CRMP1: variants seen among roughly 807,000 people sequenced by gnomAD.
CRMP1 encodes the protein dihydropyrimidinase-related protein 1.
Under a neutral mutation model 68.3 loss-of-function variants are expected in CRMP1, and 19 were observed. That is an observed-to-expected ratio of 0.28 (90% CI 0.19 to 0.41). The LOEUF is 0.41. Among genes scored for constraint, CRMP1 ranks in the 10% least tolerant of loss-of-function variants. The probability of loss-of-function intolerance (pLI) is 1.00; values close to 1 mark genes in which losing one functional copy is unlikely to be tolerated. For synonymous variants in CRMP1, 439 were observed against 399.6 expected, an observed-to-expected ratio of 1.10 and a Z score of -1.18; for missense variants, 791 against 967.4, an observed-to-expected ratio of 0.82 and a Z score of 2.42.
intron 6 of CRMP1, among the ~76,000 whole-genome samples, chr4:5,848,838 A>G (rs1712415581): frequency 1.3e-5 from 2 of 152,262 alleles, no homozygotes; most frequent in Non-Finnish European, 2.9e-5. Context: ...TTCTCCTTAT[A>G]AAGCCACTAA....
rs193228409 is a variant in CRMP1 at position 5,865,108 on chromosome 4, C to T, written c.470+1560G>A. ...TCCATCATCATCTCCAAAGCCCACA[C>T]GGGCCCCAGGATGATCCTGTTAACA... On this transcript the variant is annotated intron_variant, in intron 2 of 13. Coordinates refer to ENST00000324989, the MANE Select transcript of CRMP1 (RefSeq NM_001014809.3). The surrounding 1 kb of genome is among the most constrained non-coding windows in gnomAD (Gnocchi z 4.1). Among the ~76,000 whole-genome samples, 1,153 of 152,072 alleles carry T rather than the reference C, an allele frequency of 7.6e-3. 13 individuals are homozygous for T. Among genetic ancestry groups the T allele is most frequent in the African/African-American group, 0.026 (1,076 of 41,452 alleles).
chr4:5,873,235 C>T (rs529239936), intron 1 of CRMP1, among the ~76,000 whole-genome samples: 1 of 152,284 alleles, frequency 6.6e-6, no homozygotes, highest in South Asian at 2.1e-4. Context: ...CACATCAACC[C>T]TGCTAAGGGG....
rs370934862 is a variant in CRMP1 at position 5,887,520 on chromosome 4, G to C, written c.381+5069C>G. 1.7e-5 allele frequency: 17 copies of C among 984,976 alleles called. No individual in the cohort carries two copies. In the East Asian group the frequency reaches 1.6e-3, roughly 92 times the overall value. 61.0% of individuals were successfully genotyped at this position (984,976 alleles called of 1,614,324 possible). A position where few individuals can be genotyped will look rare whatever the true frequency, so the allele number is the denominator to read the frequency against. ...CCACCCCGAGACAAAGCGTAAAGAC[G>C]GGGATTCCTTTGTTTCCGGCCACAC... On this transcript the variant is annotated intron_variant, in intron 1 of 13. Coordinates refer to ENST00000324989, the MANE Select transcript of CRMP1 (RefSeq NM_001014809.3).
At position 5,860,949 on chromosome 4, in the gene CRMP1, C is replaced by A; in HGVS notation, c.655+77G>T. 3.4e-6 allele frequency: 5 copies of A among 1,468,958 alleles called. No homozygotes were observed. The South Asian group carries it at 6.4e-5, about 19-fold the overall frequency. The allele number at this position is 1,468,958 out of a possible 1,614,324, so 91.0% of individuals were successfully genotyped here. On this transcript the variant is annotated intron_variant, in intron 3 of 13. Transcript: ENST00000324989. This position sits in a 1 kb window ranked among gnomAD's most constrained non-coding sequence, Gnocchi z 4.2. ...CCCTGGGCAGAGAGCCTCGAACACA[C>A]TGAGCACTTGTGATGCTGGTGATGG...
At chr4:5,862,838 TC>T (rs1358474454) in intron 2 of CRMP1, among the ~76,000 whole-genome samples, 1 of 152,198 alleles carries the variant, frequency 6.6e-6, no homozygotes, top group Non-Finnish European at 1.5e-5. Context: ...AGATAGGGTC[TC>T]TGTCAGCCAG....
rs763177656 is a variant in CRMP1, at chr4:5,851,483, G to C, written c.821-14C>G. On this transcript the variant is annotated splice_polypyrimidine_tract_variant and intron_variant, in intron 4 of 13. Transcript: ENST00000324989. ...AGGAATTGACGCCTGTTTCAAGATA[G>C]AAAGGATAGAAAAATATGTTTAAGA... is the stretch of plus-strand genomic sequence containing the variant. 1.2e-6 allele frequency: 2 copies of C among 1,611,364 alleles called. No individual in the cohort carries two copies. Among genetic ancestry groups the C allele is most frequent in the East Asian group, 4.5e-5 (2 of 44,886 alleles).
chr4:5,821,705 A>T lies in CRMP1; in HGVS notation c.*55T>A, dbSNP rs1023302639. 2.6e-5 allele frequency: 39 copies of T among 1,493,118 alleles called. No homozygotes were observed. The highest frequency in any genetic ancestry group is 3.3e-5 in the Non-Finnish European group (36 of 1,093,480). 92.5% of individuals were successfully genotyped at this position (1,493,118 alleles called of 1,614,324 possible). ...GGGTTTCAAAAACACTGACAGGAAAAGGGATGGACATGATTCCCAGAATCC... is the reference window on the plus strand; with the variant it reads ...GGGTTTCAAAAACACTGACAGGAAATGGGATGGACATGATTCCCAGAATCC... On this transcript the variant is annotated 3_prime_UTR_variant, in exon 14 of 14. Coordinates refer to ENST00000324989, the MANE Select transcript of CRMP1 (RefSeq NM_001014809.3). The surrounding 1 kb of genome is among the most constrained non-coding windows in gnomAD (Gnocchi z 4.4).
At chr4:5,840,204 G>A (rs952044720) in intron 8 of CRMP1, among the ~76,000 whole-genome samples, 2 of 152,158 alleles carry the variant, frequency 1.3e-5, no homozygotes, top group African/African-American at 4.8e-5. Context: ...TCGGGAACAC[G>A]CCTCAGGGTC....
At position 5,821,618 on chromosome 4, in the gene CRMP1, C is replaced by T; in HGVS notation, c.*142G>A. The stretch of plus-strand genomic sequence containing the variant: ...CACACTAGTACCACTTCTTCCTAAA[C>T]AGAAAAGGGAAAGAGCATCCTTCGA... On this transcript the variant is annotated 3_prime_UTR_variant, in exon 14 of 14. Coordinates refer to ENST00000324989, the MANE Select transcript of CRMP1 (RefSeq NM_001014809.3). This position sits in a 1 kb window ranked among gnomAD's most constrained non-coding sequence, Gnocchi z 4.4. 2 of 798,252 alleles carry T rather than the reference C, an allele frequency of 2.5e-6. No individual in the cohort carries two copies. 49.4% of individuals were successfully genotyped at this position (798,252 alleles called of 1,614,324 possible). A position where few individuals can be genotyped will look rare whatever the true frequency, so the allele number is the denominator to read the frequency against.
intron 1 of CRMP1, among the ~76,000 whole-genome samples, chr4:5,885,624 C>A (rs1017619963): frequency 2.6e-5 from 4 of 152,290 alleles, no homozygotes; most frequent in South Asian, 4.1e-4. Context: ...CACAAAGAAC[C>A]CTGCTCTCCT....
rs541123538 is a variant in CRMP1 at position 5,821,378 on chromosome 4, T to A, written c.*382A>T. ...CACTCACAGACTTGCATACGTAATT[T>A]AGTAACATGCATCAACTATCCTAGA... is the stretch of plus-strand genomic sequence containing the variant. On this transcript the variant is annotated 3_prime_UTR_variant, in exon 14 of 14. Transcript: ENST00000324989. This position sits in a 1 kb window ranked among gnomAD's most constrained non-coding sequence, Gnocchi z 4.4. 5.7e-5 allele frequency: 12 copies of A among 208,876 alleles called. No individual in the cohort carries two copies. The South Asian group carries it at 1.7e-3, about 29-fold the overall frequency. 12.9% of individuals were successfully genotyped at this position (208,876 alleles called of 1,614,324 possible). A position where few individuals can be genotyped will look rare whatever the true frequency, so the allele number is the denominator to read the frequency against.
In CRMP1 at chr4:5,827,733, G is replaced by GCA. The variant is rs141887967; in HGVS notation, c.1803+754_1803+755dup. On this transcript the variant is annotated intron_variant, in intron 12 of 13. Transcript: ENST00000324989. ...CATAGACATACACACATGTGCGCGT[G>GCA]CACACACACACACACACACACGAAG... 9.3e-3 allele frequency among the ~76,000 whole-genome samples: 1,280 copies of GCA among 138,298 alleles called. 10 individuals carry two copies. The highest frequency in any genetic ancestry group is 0.026 in the South Asian group (112 of 4,248). The allele number at this position is 138,298 out of a possible 152,430, so 90.7% of individuals were successfully genotyped here.
rs56743840 is a variant in CRMP1, at chr4:5,843,970, TA to T, written c.964-810del. ...ACACTTTAATTTCTAAAATAAAAAA[TA>T]AAAAAAAAATTTGACATTGCCCAGA... On this transcript the variant is annotated intron_variant, in intron 6 of 13. Coordinates refer to ENST00000324989, the MANE Select transcript of CRMP1 (RefSeq NM_001014809.3). The surrounding 1 kb of genome is among the most constrained non-coding windows in gnomAD (Gnocchi z 4.1). Among the ~76,000 whole-genome samples, 5 of 150,592 alleles carry T rather than the reference TA, an allele frequency of 3.3e-5. No individual in the cohort carries two copies. The highest frequency in any genetic ancestry group is 2.0e-4 in the East Asian group (1 of 5,114).
At chr4:5,868,307 A>ATATATATAGATATATATATATAC (rs1307956661) in intron 1 of CRMP1, among the ~76,000 whole-genome samples, 1 of 106,652 alleles carries the variant, frequency 9.4e-6, no homozygotes, top group Non-Finnish European at 2.1e-5. Flanking sequence ...ATATATACAT[A>ATATATATAGATATATATATATAC]ATTTTTTTTT....
chr4:5,839,698 A>T lies in CRMP1; in HGVS notation c.1154-20T>A. The T allele has an allele frequency of 6.2e-7, 1 of 1,602,572 alleles. No homozygotes were observed. The highest frequency in any genetic ancestry group is 8.5e-7 in the Non-Finnish European group (1 of 1,174,110). On this transcript the variant is annotated intron_variant, in intron 8 of 13. Transcript: ENST00000324989. Reference sequence around the variant, plus strand: ...GGGGCCCTTAGGAGGGGAAAACATAAGCCTGGTTAAAAGCAAATACTCTCT... The same window carrying T: ...GGGGCCCTTAGGAGGGGAAAACATATGCCTGGTTAAAAGCAAATACTCTCT...
chr4:5,876,820 A>C (rs968801213), intron 1 of CRMP1, among the ~76,000 whole-genome samples: 1 of 151,918 alleles, frequency 6.6e-6, no homozygotes, highest in African/African-American at 2.4e-5. Context: ...TGCCTGCTAA[A>C]AATTCCCATC....
In CRMP1 at chr4:5,877,772, C is replaced by A. The variant is rs1365332261; in HGVS notation, c.382-11016G>T. On this transcript the variant is annotated intron_variant, in intron 1 of 13. Coordinates refer to ENST00000324989, the MANE Select transcript of CRMP1 (RefSeq NM_001014809.3). This position sits in a 1 kb window ranked among gnomAD's most constrained non-coding sequence, Gnocchi z 4.3. ...ATTATGCCTGTTTCCATGACAACTG[C>A]AGTTATAAGTGCACAATTTCAGGTC... Among the ~76,000 whole-genome samples, 5 of 152,148 alleles carry A rather than the reference C, an allele frequency of 3.3e-5. No homozygotes were observed. The highest frequency in any genetic ancestry group is 7.3e-5 in the Non-Finnish European group (5 of 68,034).
chr4:5,832,215 C>T (rs974867738), intron 11 of CRMP1, among the ~76,000 whole-genome samples: 7 of 152,172 alleles, frequency 4.6e-5, no homozygotes, highest in East Asian at 1.9e-4. Context: ...GGTTTCTTTT[C>T]TGGAGGTGAT....
chr4:5,828,469 T>A lies in CRMP1; in HGVS notation c.1803+20A>T. 6.2e-7 allele frequency: 1 copy of A among 1,608,394 alleles called. No individual in the cohort carries two copies. Among genetic ancestry groups the A allele is most frequent in the South Asian group, 1.1e-5 (1 of 90,754 alleles). ...GCTCTGGTCCCACGGGTGGGCCCGC[T>A]CCCCTGCAGACACACTCACCTTATT... is the stretch of plus-strand genomic sequence containing the variant. On this transcript the variant is annotated intron_variant, in intron 12 of 13. Coordinates refer to ENST00000324989, the MANE Select transcript of CRMP1 (RefSeq NM_001014809.3).
Sources: allele counts gnomAD v4.1 joint callset (sites outside exome capture counted in the v4.1 genomes callset), GRCh38; gene constraint gnomAD v4.1.1; non-coding constraint Gnocchi (gnomAD v3.1); transcripts MANE v1.5; gene names NCBI Gene and HGNC (gene_info 2026-07-23, HGNC 2026-07-21).